The following RGS5 variants were observed in gnomAD, a reference collection of about 807,000 sequenced individuals.
RGS5 encodes regulator of G protein signaling 5, also known as regulator of G-protein signalling 5.
Under a neutral mutation model 18.9 loss-of-function variants are expected in RGS5, and 20 were observed. That is an observed-to-expected ratio of 1.06 (90% confidence interval 0.74 to 1.54). The LOEUF (loss-of-function observed/expected upper bound fraction) is 1.54. RGS5 is among the 40% of genes most tolerant of loss of function. RGS5 has a pLI of 0.00. For synonymous variants in RGS5, 57 were observed against 76.2 expected (o/e 0.75, Z 1.31); for missense variants, 201 against 211.8 (o/e 0.95, Z 0.32).
chr1:163,273,696 T>G (rs1030416496), intron 2 of RGS5, among the ~76,000 whole-genome samples: 1 of 152,206 alleles, frequency 6.6e-6, no homozygotes, highest in Non-Finnish European at 1.5e-5. Flanking sequence ...ATATGAACTG[T>G]TATTTTTCCC....
At chr1:163,250,349 GC>G in intron 2 of RGS5, among the ~76,000 whole-genome samples, 1 of 152,354 alleles carries the variant, frequency 6.6e-6, no homozygotes, top group Non-Finnish European at 1.5e-5. Context: ...TAGGGCAGTT[GC>G]CTTTAACCAT....
At chr1:163,263,269 C>A (rs1205810577) in intron 2 of RGS5, among the ~76,000 whole-genome samples, 2 of 152,230 alleles carry the variant, frequency 1.3e-5, no homozygotes, top group East Asian at 3.9e-4. Flanking sequence ...AAGAGAGGAC[C>A]CTTTCCTGAG....
chr1:163,281,226 C>G (rs1425634290), intron 2 of RGS5, among the ~76,000 whole-genome samples: 1 of 152,130 alleles, frequency 6.6e-6, no homozygotes, highest in African/African-American at 2.4e-5. Context: ...TCCAATAAAC[C>G]TCTTTCTTTT....
At chr1:163,185,406 G>A (rs753702676) in intron 1 of RGS5, among the ~76,000 whole-genome samples, 1 of 152,168 alleles carries the variant, frequency 6.6e-6, no homozygotes, top group Admixed American at 6.5e-5. Context: ...AAGACAAGGT[G>A]AGAGTTCAGA....
chr1:163,154,871 A>G (rs971665959), intron 3 of RGS5, among the ~76,000 whole-genome samples: 2 of 149,382 alleles, frequency 1.3e-5, no homozygotes, highest in African/African-American at 4.9e-5. Flanking sequence ...TTTAGTCTAT[A>G]TAGATATAGA....
chr1:163,159,279 G>C (rs538603592), intron 3 of RGS5, among the ~76,000 whole-genome samples: 1 of 152,306 alleles, frequency 6.6e-6, no homozygotes, highest in East Asian at 1.9e-4. Flanking sequence ...AGAGATTAAA[G>C]TAAAGACAGG....
chr1:163,297,825 A>G (rs1314400962), intron 2 of RGS5, among the ~76,000 whole-genome samples: 1 of 152,208 alleles, frequency 6.6e-6, no homozygotes, highest in Admixed American at 6.5e-5. Flanking sequence ...ATAGTTTCAC[A>G]AAACAATTAA....
At chr1:163,316,166 G>A (rs974439515) in intron 1 of RGS5, among the ~76,000 whole-genome samples, 2 of 152,078 alleles carry the variant, frequency 1.3e-5, no homozygotes, top group African/African-American at 4.8e-5. Context: ...GTTAAGATGT[G>A]CTTTCTGATA....
chr1:163,215,123 T>G (rs1660187338), intron 1 of RGS5, among the ~76,000 whole-genome samples: 1 of 152,244 alleles, frequency 6.6e-6, no homozygotes, highest in African/African-American at 2.4e-5. Context: ...TGAAGCTTTC[T>G]TTTTGCCTCA....
chr1:163,154,951 ATG>A (rs35415778), intron 3 of RGS5, among the ~76,000 whole-genome samples: 83,545 of 150,394 alleles, frequency 0.56, 25,427 homozygotes, highest in South Asian at 0.72. Flanking sequence ...TTATAAAACT[ATG>A]TATATGTATA....
intron 4 of RGS5, among the ~76,000 whole-genome samples, chr1:163,150,650 T>G (rs912391095): frequency 1.3e-5 from 2 of 152,138 alleles, no homozygotes; most frequent in Admixed American, 1.3e-4. Context: ...ATTTCAAGAT[T>G]AATATCCACA....
intron 1 of RGS5, among the ~76,000 whole-genome samples, chr1:163,175,156 C>T (rs1658491105): frequency 1.3e-5 from 2 of 152,228 alleles, no homozygotes; most frequent in South Asian, 4.2e-4. Flanking sequence ...GCTTCTAAAA[C>T]ACTCGCTAGC....
upstream of RGS5, among the ~76,000 whole-genome samples, chr1:163,204,507 G>A (rs1455325178): frequency 6.6e-6 from 1 of 152,056 alleles, no homozygotes; most frequent in Admixed American, 6.6e-5. Flanking sequence ...TTGCTACCAT[G>A]CCTAGCTAGT....
At chr1:163,191,207 G>A (rs932593019) in intron 1 of RGS5, among the ~76,000 whole-genome samples, 6 of 152,168 alleles carry the variant, frequency 3.9e-5, no homozygotes, top group African/African-American at 1.4e-4. Context: ...TGGGTGGGAA[G>A]GGCAGGAACA....
At chr1:163,185,136 C>T (rs1244703401) in intron 1 of RGS5, among the ~76,000 whole-genome samples, 1 of 151,902 alleles carries the variant, frequency 6.6e-6, no homozygotes, top group South Asian at 2.1e-4. Flanking sequence ...CTATTTGTTC[C>T]AATATTGCTC....
chr1:163,154,837 T>C (rs983702756), intron 3 of RGS5, among the ~76,000 whole-genome samples: 1 of 149,356 alleles, frequency 6.7e-6, no homozygotes, highest in East Asian at 1.9e-4. Context: ...TTAAAAATTA[T>C]ATCTATATAT....
In RGS5 at chr1:163,243,365, A is replaced by G. The variant is rs528227339; in HGVS notation, c.-281+62868T>C. The stretch of plus-strand genomic sequence containing the variant: ...ATGCAGGGCTTAAAACCTAGATGAC[A>G]GGCCGGGCGCGGTGGCTCACATCTG... On this transcript the variant is annotated intron_variant, in intron 2 of 5. Transcript: ENST00000618415. Among the ~76,000 whole-genome samples, 7 of 152,164 alleles carry G rather than the reference A, an allele frequency of 4.6e-5. No individual in the cohort carries two copies. The East Asian group carries it at 1.2e-3, about 25-fold the overall frequency.
At chr1:163,218,905 A>G (rs1252188038), upstream of RGS5, among the ~76,000 whole-genome samples, 1 of 152,164 alleles carries the variant, frequency 6.6e-6, no homozygotes, top group Non-Finnish European at 1.5e-5. Flanking sequence ...GGGGATCAAG[A>G]AGCAGATTAT....
intron 2 of RGS5, among the ~76,000 whole-genome samples, chr1:163,228,095 G>A (rs1647379152): frequency 6.6e-6 from 1 of 152,178 alleles, no homozygotes; most frequent in African/African-American, 2.4e-5. Flanking sequence ...CTACCATTCT[G>A]GGGTCTGGGA....
Sources: gnomAD v4.1 joint callset for allele counts (sites outside exome capture counted in the v4.1 genomes callset) on GRCh38, gnomAD v4.1.1 for gene constraint, MANE v1.5 for transcripts, NCBI Gene and HGNC (gene_info 2026-07-23, HGNC 2026-07-21) for gene names.